The following NAA35 variants were observed in gnomAD, a reference collection of about 807,000 sequenced individuals.
NAA35 encodes MAK10 homolog, amino-acid N-acetyltransferase subunit.
A neutral mutation model predicts 101.7 loss-of-function variants in NAA35; 18 were observed. The observed-to-expected ratio is 0.18, with a 90% CI of 0.12 to 0.26. NAA35 has a LOEUF of 0.26. Among genes scored for constraint, NAA35 ranks in the 10% least tolerant of loss-of-function variants. The probability of loss-of-function intolerance (pLI) is 1.00; values close to 1 mark genes in which losing one functional copy is unlikely to be tolerated. For missense variants in NAA35, 601 were observed against 886.8 expected (o/e 0.68, Z 4.09); for synonymous variants, 267 against 273.1 (o/e 0.98, Z 0.22).
intron 14 of NAA35, among the ~76,000 whole-genome samples, chr9:86,009,281 G>C (rs1015227219): frequency 5.3e-5 from 8 of 152,206 alleles, no homozygotes; most frequent in Non-Finnish European, 1.0e-4. Flanking sequence ...CCAACTGCCT[G>C]TTCCAGGTGT....
intron 6 of NAA35, among the ~76,000 whole-genome samples, chr9:85,972,436 A>T (rs974151059): frequency 1.6e-5 from 2 of 128,326 alleles, no homozygotes; most frequent in Admixed American, 1.9e-4. Context: ...TTGAGCCCAG[A>T]GCGGGGTGGA....
Position 86,023,323 on chromosome 9 carries a change from G to A in NAA35, c.*1363G>A, listed in dbSNP as rs1344125108. ...AAAGAGTATACCTGTTACTGATGTA[G>A]TTACTTTGTTGAGAATGAAAACTGT... On this transcript the variant is annotated 3_prime_UTR_variant, in exon 23 of 23. Coordinates refer to ENST00000361671, the MANE Select transcript of NAA35 (RefSeq NM_024635.4). 2.0e-5 allele frequency among the ~76,000 whole-genome samples: 3 copies of A among 152,174 alleles called. No homozygotes were observed. The highest frequency in any genetic ancestry group is 7.2e-5 in the African/African-American group (3 of 41,444).
chr9:86,000,052 ATTGTT>A (rs1406645595), intron 12 of NAA35, among the ~76,000 whole-genome samples: 2 of 152,102 alleles, frequency 1.3e-5, no homozygotes, highest in African/African-American at 4.8e-5. Flanking sequence ...TTGGACTCTT[ATTGTT>A]TTGAGGTGTG....
At chr9:85,999,765 C>T (rs925540096) in intron 12 of NAA35, among the ~76,000 whole-genome samples, 2 of 152,158 alleles carry the variant, frequency 1.3e-5, no homozygotes, top group African/African-American at 4.8e-5. Context: ...GAGCTGCTGT[C>T]CCAAGCAGTT....
chr9:85,944,651 A>C (rs1210623680), intron 2 of NAA35, among the ~76,000 whole-genome samples: 1 of 152,228 alleles, frequency 6.6e-6, no homozygotes, highest in East Asian at 1.9e-4. Flanking sequence ...GTGGAGTTCA[A>C]AGTACCTTGA....
At chr9:85,976,180 A>T (rs976399737) in intron 8 of NAA35, among the ~76,000 whole-genome samples, 11 of 152,226 alleles carry the variant, frequency 7.2e-5, no homozygotes, top group Admixed American at 7.2e-4. Flanking sequence ...AACTTCTAGT[A>T]GATCTTCCTG....
At chr9:86,010,418 C>A (rs962431959) in intron 15 of NAA35, among the ~76,000 whole-genome samples, 2 of 151,818 alleles carry the variant, frequency 1.3e-5, no homozygotes, top group African/African-American at 4.8e-5. Context: ...AGGTTATTAG[C>A]TACAGAGGCA....
intron 11 of NAA35, among the ~76,000 whole-genome samples, chr9:85,993,669 CAAT>C (rs1831028285): frequency 1.3e-5 from 2 of 152,054 alleles, no homozygotes; most frequent in Non-Finnish European, 2.9e-5. Flanking sequence ...AATTGCGCCT[CAAT>C]AAAATTAGAA....
rs766787456 is a variant in NAA35 at position 86,018,747 on chromosome 9, C to A, written c.1963C>A (p.Leu655Met). 4.3e-6 allele frequency: 7 copies of A among 1,613,940 alleles called. No individual in the cohort carries two copies. In the African/African-American group the frequency reaches 9.3e-5, roughly 22 times the overall value. The change falls in exon 21 of 23, where the codon CTG becomes ATG. Residue 655 changes from leucine (L) to methionine (M), a missense_variant. Leu to Met is a conservative substitution (Grantham distance 15). This residue lies in a region of NAA35 where 90 missense variants were observed against 108.7 expected (regional missense o/e 0.83). Transcript: ENST00000361671. ...KYSPPPQSPE[L>M]YVAASKHFQQ... Reference sequence around the variant, plus strand: ...TAGCCCTCCTCCTCAGTCTCCTGAACTGTATGTGGCAGCTAGTAAGCACTT... The same window carrying A: ...TAGCCCTCCTCCTCAGTCTCCTGAAATGTATGTGGCAGCTAGTAAGCACTT...
rs1830948419 is a variant in NAA35, at chr9:85,992,188, AAT to A, written c.878-4209_878-4208del. Among the ~76,000 whole-genome samples, 4 of 142,404 alleles carry A rather than the reference AAT, an allele frequency of 2.8e-5. No individual in the cohort carries two copies. In the South Asian group the frequency reaches 9.1e-4, roughly 32 times the overall value. 93.4% of individuals were successfully genotyped at this position (142,404 alleles called of 152,430 possible). The stretch of plus-strand genomic sequence containing the variant: ...GACTCCGTCTCAAAAAAAAAAAAAT[AAT>A]AAAAAATAAATGAATAAAATAATAG... On this transcript the variant is annotated intron_variant, in intron 11 of 22. Transcript: ENST00000361671.
Position 85,986,104 on chromosome 9 carries a change from C to T in NAA35, c.877+7723C>T, listed in dbSNP as rs181284265. ...CCAGATTGGAGGAAGCCCCAAGGCT[C>T]TAGGGAAAATGTCTCGAAGATACAA... is the stretch of plus-strand genomic sequence containing the variant. On this transcript the variant is annotated intron_variant, in intron 11 of 22. Coordinates refer to ENST00000361671, the MANE Select transcript of NAA35 (RefSeq NM_024635.4). Among the ~76,000 whole-genome samples, 192 of 152,250 alleles carry T rather than the reference C, an allele frequency of 1.3e-3. 4 individuals carry two copies. In the South Asian group the frequency reaches 0.034, roughly 27 times the overall value.
intron 2 of NAA35, 48 bp downstream of exon 2, chr9:85,942,331 A>G (rs1379163850): frequency 1.3e-6 from 2 of 1,598,722 alleles, no homozygotes; most frequent in Middle Eastern, 3.4e-4. Flanking sequence ...AAGGGGTAGA[A>G]TGACGATTGT....
rs567273543 is a variant in NAA35, at chr9:85,945,943, C to T, written c.124+3660C>T. The stretch of plus-strand genomic sequence containing the variant: ...TCCTGAATCAAATACAAACTTTCAA[C>T]TTTTATGATTTATTTTATTTCCTAC... On this transcript the variant is annotated intron_variant, in intron 2 of 22. Coordinates refer to ENST00000361671, the MANE Select transcript of NAA35 (RefSeq NM_024635.4). Among the ~76,000 whole-genome samples the T allele has an allele frequency of 1.2e-4, 19 of 152,184 alleles. No individual in the cohort carries two copies. The South Asian group carries it at 3.5e-3, about 28-fold the overall frequency.
At chr9:85,981,841 G>A (rs1453582781) in intron 11 of NAA35, among the ~76,000 whole-genome samples, 3 of 152,134 alleles carry the variant, frequency 2.0e-5, no homozygotes, top group South Asian at 2.1e-4. Context: ...GTAGAAGAAT[G>A]ATGAGAAAAT....
Position 86,013,793 on chromosome 9 carries a change from A to G in NAA35, c.1464A>G (p.Leu488=). Residue 488 remains leucine (L), a synonymous_variant, in exon 17 of 23, where the codon TTA becomes TTG. Coordinates refer to ENST00000361671, the MANE Select transcript of NAA35 (RefSeq NM_024635.4). ...CCCAAAGGCAACATTTGGCCTGTTT[A>G]GGTACCTGGGTCCTTTACCATAACC... is the stretch of plus-strand genomic sequence containing the variant. ...QEPQRQHLAC[L]GTWVLYHNLR... is the part of the protein sequence containing the mutation. 6.2e-7 allele frequency: 1 copy of G among 1,614,140 alleles called. No homozygotes were observed. Among genetic ancestry groups the G allele is most frequent in the Non-Finnish European group, 8.5e-7 (1 of 1,179,990 alleles).
chr9:85,944,902 T>G (rs752154794), intron 2 of NAA35, among the ~76,000 whole-genome samples: 28 of 152,224 alleles, frequency 1.8e-4, no homozygotes, highest in Non-Finnish European at 3.7e-4. Flanking sequence ...TACCACAGTT[T>G]GAAAACCACA....
At chr9:86,013,641 G>A (rs1231594143) in intron 16 of NAA35, 78 bp from the exon 17 acceptor site, 1 of 1,327,264 alleles carries the variant, frequency 7.5e-7, no homozygotes, top group Non-Finnish European at 1.0e-6. Context: ...ATTCTTTTTA[G>A]CTGTACGTTT....
chr9:86,018,235 T>C lies in NAA35; in HGVS notation c.1774-20T>C. Reference sequence around the variant, plus strand: ...TTTCATATTGATTTCATCTTTTTTCTTATTCCCTTTTTCATTTAGACCATG... The same window carrying C: ...TTTCATATTGATTTCATCTTTTTTCCTATTCCCTTTTTCATTTAGACCATG... On this transcript the variant is annotated intron_variant, in intron 19 of 22. Coordinates refer to ENST00000361671, the MANE Select transcript of NAA35 (RefSeq NM_024635.4). 1.9e-6 allele frequency: 3 copies of C among 1,598,112 alleles called. No individual in the cohort carries two copies. Among genetic ancestry groups the C allele is most frequent in the Non-Finnish European group, 2.6e-6 (3 of 1,168,478 alleles).
intron 21 of NAA35, among the ~76,000 whole-genome samples, 160 bp downstream of exon 21, chr9:86,018,981 CGTT>C (rs1257167542): frequency 3.9e-5 from 6 of 152,106 alleles, no homozygotes; most frequent in Admixed American, 1.3e-4. Flanking sequence ...GTCAAACTAA[CGTT>C]GTCAGACTTC....
Sources: gnomAD v4.1 joint callset for allele counts (sites outside exome capture counted in the v4.1 genomes callset) on GRCh38, gnomAD v4.1.1 for gene constraint, gnomAD v4.1.1 regional missense constraint, MANE v1.5 for transcripts, NCBI Gene and HGNC (gene_info 2026-07-23, HGNC 2026-07-21) for gene names.